ASAP3: variants seen among roughly 807,000 people sequenced by gnomAD.
ASAP3 encodes the protein arf-GAP with SH3 domain, ANK repeat and PH domain-containing protein 3.
Under a neutral mutation model 118.2 loss-of-function variants are expected in ASAP3, and 85 were observed. The observed-to-expected ratio is 0.72, with a 90% CI of 0.60 to 0.86. The LOEUF is 0.86. Among genes scored for constraint, ASAP3 ranks in the 40% least tolerant of loss-of-function variants. The pLI, the probability that ASAP3 is intolerant of heterozygous loss-of-function variation, is 0.00. For missense variants in ASAP3, 1,026 were observed against 1,175.0 expected, an observed-to-expected ratio of 0.87 and a Z score of 1.85; for synonymous variants, 432 against 477.4, an observed-to-expected ratio of 0.90 and a Z score of 1.24.
At chr1:23,483,777 T>C (rs990957198) in intron 1 of ASAP3, among the ~76,000 whole-genome samples, 2 of 152,092 alleles carry the variant, frequency 1.3e-5, no homozygotes, top group African/African-American at 4.8e-5. Flanking sequence ...CCTGTGGAGT[T>C]TGTCATCGAA....
chr1:23,440,419 T>C (rs113868075), intron 10 of ASAP3, among the ~76,000 whole-genome samples: 9,969 of 138,212 alleles, frequency 0.072, 644 homozygotes, highest in South Asian at 0.24. Flanking sequence ...GAGAATCGCT[T>C]GAACCCAGGA....
At position 23,434,579 on chromosome 1, in the gene ASAP3, C is replaced by T. The variant is rs769875873; in HGVS notation, c.1789G>A (p.Ala597Thr). 39 of 1,613,992 alleles carry T rather than the reference C, an allele frequency of 2.4e-5. No homozygotes were observed. Among genetic ancestry groups the T allele is most frequent in the Non-Finnish European group, 2.8e-5 (33 of 1,180,026 alleles). ...ACCAGAGGCAGGGAAGCCTGGTTGG[C>T]GACTTTGACAGCCAAATGCAAGACG... ...ELVLHLAVKV[A>T]NQASLPLVDF... Residue 597 changes from alanine to threonine, a missense_variant, in exon 18 of 25, where the codon GCC (alanine) becomes ACC (threonine). Ala to Thr is a moderately conservative substitution (Grantham distance 58, BLOSUM62 0). Transcript: ENST00000336689.
chr1:23,470,267 A>T (rs1456321478), intron 1 of ASAP3, among the ~76,000 whole-genome samples: 1 of 152,148 alleles, frequency 6.6e-6, no homozygotes, highest in East Asian at 1.9e-4. Context: ...GGCTGCTCCA[A>T]CCTCAGCCAC....
At position 23,478,239 on chromosome 1, in the gene ASAP3, T is replaced by C. The variant is rs530642576; in HGVS notation, c.129+5766A>G. Reference sequence around the variant, plus strand: ...CAGCACTTTGGGAAGCCGAGGTGGGTGGATCACCTGAGGTCAGGAGTTTGA... The same window carrying C: ...CAGCACTTTGGGAAGCCGAGGTGGGCGGATCACCTGAGGTCAGGAGTTTGA... On this transcript the variant is annotated intron_variant, in intron 1 of 24. Coordinates refer to ENST00000336689, the MANE Select transcript of ASAP3 (RefSeq NM_017707.4). Among the ~76,000 whole-genome samples the C allele has an allele frequency of 1.4e-4, 22 of 152,198 alleles. No homozygotes were observed. In the South Asian group the frequency reaches 1.7e-3, roughly 11 times the overall value.
intron 3 of ASAP3, among the ~76,000 whole-genome samples, 157 bp from the exon 4 acceptor site, chr1:23,452,928 G>T (rs1251747679): frequency 6.6e-6 from 1 of 152,130 alleles, no homozygotes; most frequent in African/African-American, 2.4e-5. Context: ...AGCCAAGTAA[G>T]GGGGACCGTC....
Position 23,455,896 on chromosome 1 carries a change from C to T in ASAP3, c.333G>A (p.Ala111=), listed in dbSNP as rs377603610. The T allele has an allele frequency of 1.1e-4, 177 of 1,614,106 alleles. No homozygotes were observed. The highest frequency in any genetic ancestry group is 1.6e-4 in the Middle Eastern group (1 of 6,062). ...GGGGCCTCACCAGGTTCTTGAAGAGCGCAGCAACCTCGCGGGTGAACACGG... is the reference window on the plus strand; with the variant it reads ...GGGGCCTCACCAGGTTCTTGAAGAGTGCAGCAACCTCGCGGGTGAACACGG... ...NLAVFTREVA[A]LFKNLIQNLN... Residue 111 remains alanine, a synonymous_variant, in exon 3 of 25, where the codon GCG becomes GCA. Transcript: ENST00000336689.
At chr1:23,440,599 G>A (rs1640833971) in intron 10 of ASAP3, among the ~76,000 whole-genome samples, 1 of 146,018 alleles carries the variant, frequency 6.8e-6, no homozygotes, top group Non-Finnish European at 1.5e-5. Context: ...GCTCATGCCT[G>A]TAATCCCAGC....
intron 4 of ASAP3, 122 bp from the exon 5 acceptor site, chr1:23,451,650 C>T (rs1641218848): frequency 9.3e-7 from 1 of 1,077,084 alleles, no homozygotes; most frequent in African/African-American, 1.6e-5. Context: ...GAGCCCTTCT[C>T]TAACCAGCCC....
At chr1:23,476,440 A>G (rs1642131973) in intron 1 of ASAP3, among the ~76,000 whole-genome samples, 1 of 151,978 alleles carries the variant, frequency 6.6e-6, no homozygotes, top group Non-Finnish European at 1.5e-5. Context: ...ACTGCTTATA[A>G]AACACTTCTA....
In ASAP3 at chr1:23,429,559, G is replaced by A. The variant is rs928060552; in HGVS notation, c.*297C>T. On this transcript the variant is annotated 3_prime_UTR_variant, in exon 25 of 25. Coordinates refer to ENST00000336689, the MANE Select transcript of ASAP3 (RefSeq NM_017707.4). Reference sequence around the variant, plus strand: ...GAAATAGAGTCTCGATCTGATGAGGGACTGAGAGTTCTGCAGCTGAAGCCA... The same window carrying A: ...GAAATAGAGTCTCGATCTGATGAGGAACTGAGAGTTCTGCAGCTGAAGCCA... 105 of 281,152 alleles carry A rather than the reference G, an allele frequency of 3.7e-4. No homozygotes were observed. Among genetic ancestry groups the A allele is most frequent in the Admixed American group, 2.8e-3 (58 of 20,746 alleles). 17.4% of individuals were successfully genotyped at this position (281,152 alleles called of 1,614,324 possible).
chr1:23,461,344 G>A (rs1428812643), intron 1 of ASAP3, among the ~76,000 whole-genome samples: 1 of 152,056 alleles, frequency 6.6e-6, no homozygotes, highest in Non-Finnish European at 1.5e-5. Context: ...ACCTAAAACT[G>A]CTCTAAAAAA....
intron 1 of ASAP3, among the ~76,000 whole-genome samples, chr1:23,468,886 A>G (rs1440527603): frequency 6.6e-6 from 1 of 151,072 alleles, no homozygotes; most frequent in Non-Finnish European, 1.5e-5. Context: ...AAAAAAAAAA[A>G]AAAAAGTACA....
chr1:23,484,040 G>A lies in ASAP3; in HGVS notation c.94C>T (p.Pro32Ser), dbSNP rs902802355. Residue 32 changes from proline to serine, a missense_variant, in exon 1 of 25, where the codon CCC becomes TCC. Transcript: ENST00000336689. Reference sequence around the variant, plus strand: ...GCCAGCGCCGCCCCTCGGTACCGGGGCATCTTGGCGGCGAAGGCGGCGGCC... The same window carrying A: ...GCCAGCGCCGCCCCTCGGTACCGGGACATCTTGGCGGCGAAGGCGGCGGCC... ...AGAAAFAAKM[P>S]RYRGAALARE... 1.2e-5 allele frequency: 16 copies of A among 1,337,330 alleles called. No homozygotes were observed. The Admixed American group carries it at 1.4e-4, about 12-fold the overall frequency. The allele number at this position is 1,337,330 out of a possible 1,614,324, so 82.8% of individuals were successfully genotyped here. A position where few individuals can be genotyped will look rare whatever the true frequency, so the allele number is the denominator to read the frequency against.
At chr1:23,440,268 G>T (rs911677362) in intron 10 of ASAP3, among the ~76,000 whole-genome samples, 1 of 150,606 alleles carries the variant, frequency 6.6e-6, no homozygotes, top group African/African-American at 2.4e-5. Flanking sequence ...TTGGGAGGCT[G>T]AGGCTGGCAG....
intron 5 of ASAP3, among the ~76,000 whole-genome samples, chr1:23,444,485 T>G (rs1640984017): frequency 6.6e-6 from 1 of 152,264 alleles, no homozygotes; most frequent in Admixed American, 6.5e-5. Flanking sequence ...ATACAAACTC[T>G]GCTGCTTGCT....
rs74223758 is a variant in ASAP3, at chr1:23,443,148, A to G, written c.474-536T>C. On this transcript the variant is annotated intron_variant, in intron 5 of 24. Transcript: ENST00000336689. The stretch of plus-strand genomic sequence containing the variant: ...CAAGGGCCAAGTGAGATTTGGGGCA[A>G]ACAGTTCTGATTTTCCTGGAAAGGA... 5.5e-3 allele frequency among the ~76,000 whole-genome samples: 840 copies of G among 152,354 alleles called. 17 individuals carry two copies. The highest frequency in any genetic ancestry group is 0.031 in the Admixed American group (476 of 15,304).
intron 3 of ASAP3, among the ~76,000 whole-genome samples, chr1:23,453,829 A>T (rs541766870): frequency 2.4e-4 from 36 of 152,108 alleles, no homozygotes; most frequent in African/African-American, 6.8e-4. Context: ...GTATTTCTTG[A>T]CACTAGTCCA....
At position 23,433,649 on chromosome 1, in the gene ASAP3, G is replaced by A. The variant is rs1318939999; in HGVS notation, c.1996C>T (p.His666Tyr). Residue 666 changes from histidine (H) to tyrosine (Y), a missense_variant, in exon 20 of 25, where the codon CAC becomes TAC. Coordinates refer to ENST00000336689, the MANE Select transcript of ASAP3 (RefSeq NM_017707.4). The stretch of plus-strand genomic sequence containing the variant: ...ACCAGCTCCTCACACTCCTTGTGGT[G>A]CTTCTTCCTGGCTATGTCCAGAGCT... ...ETALDIARKK[H>Y]HKECEELLEQ... The A allele has an allele frequency of 2.4e-5, 38 of 1,614,088 alleles. No individual in the cohort carries two copies. Among genetic ancestry groups the A allele is most frequent in the Non-Finnish European group, 3.1e-5 (36 of 1,180,048 alleles).
At position 23,432,926 on chromosome 1, in the gene ASAP3, C is replaced by T. The variant is rs1640489316; in HGVS notation, c.2323+151G>A. 3.9e-6 allele frequency: 3 copies of T among 778,718 alleles called. No individual in the cohort carries two copies. In the South Asian group the frequency reaches 5.9e-5, roughly 15 times the overall value. 48.2% of individuals were successfully genotyped at this position (778,718 alleles called of 1,614,324 possible). On this transcript the variant is annotated intron_variant, in intron 22 of 24. Coordinates refer to ENST00000336689, the MANE Select transcript of ASAP3 (RefSeq NM_017707.4). ...AAACATGTGACTTAACACCTCTGTT[C>T]TTTTATCTGTAAGGGGAAGATGAGA... is the stretch of plus-strand genomic sequence containing the variant.
Sources: gnomAD v4.1 joint callset for allele counts (sites outside exome capture counted in the v4.1 genomes callset) on GRCh38, gnomAD v4.1.1 for gene constraint, MANE v1.5 for transcripts, NCBI Gene and HGNC (gene_info 2026-07-23, HGNC 2026-07-21) for gene names.